CEP152: variants seen among roughly 807,000 people sequenced by gnomAD.
CEP152 encodes centrosomal protein of 152 kDa.
CEP152 carries 132 observed loss-of-function variants against 188.9 expected under a neutral mutation model. That is an observed-to-expected ratio of 0.70 (90% CI 0.61 to 0.81). The LOEUF is 0.81. Among genes scored for constraint, CEP152 ranks in the 30% least tolerant of loss-of-function variants. The pLI, the probability that CEP152 is intolerant of heterozygous loss-of-function variation, is 0.00. For synonymous variants in CEP152, 649 were observed against 666.6 expected, an observed-to-expected ratio of 0.97 and a Z score of 0.41; for missense variants, 1,914 against 1,969.8, an observed-to-expected ratio of 0.97 and a Z score of 0.54.
intron 1 of CEP152, among the ~76,000 whole-genome samples, chr15:48,806,266 G>A (rs1055841165): frequency 6.6e-6 from 1 of 151,550 alleles, no homozygotes; most frequent in Admixed American, 6.5e-5. Context: ...TGAAGGCTGT[G>A]AAGCTCCACC....
At chr15:48,787,163 G>GTTTTTTTT (rs747436177) in intron 9 of CEP152, among the ~76,000 whole-genome samples, 28,133 of 100,998 alleles carry the variant, frequency 0.28, 7,661 homozygotes, top group Non-Finnish European at 0.36. Context: ...TATAGCCTTC[G>GTTTTTTTT]TTTTTTTTTT....
At chr15:48,752,019 T>C (rs1893909987) in intron 21 of CEP152, among the ~76,000 whole-genome samples, 1 of 152,236 alleles carries the variant, frequency 6.6e-6, no homozygotes, top group Non-Finnish European at 1.5e-5. Context: ...GTTTCAGTAA[T>C]TTGAATGAAA....
At position 48,762,557 on chromosome 15, in the gene CEP152, G is replaced by GT; in HGVS notation, c.2395dup (p.Thr799AsnfsTer4). The GT allele has an allele frequency of 5.0e-6, 8 of 1,613,946 alleles. No homozygotes were observed. The highest frequency in any genetic ancestry group is 5.9e-6 in the Non-Finnish European group (7 of 1,179,974). ...TTTCTTGGAAATAACATCACTGGTG[G>GT]TTACTTGGTCAGTTTGGCTGCCACA... On this transcript the variant is annotated frameshift_variant, in exon 18 of 27. Transcript: ENST00000380950. LOFTEE classifies it high-confidence loss of function.
At chr15:48,778,075 T>G (rs1896031135) in intron 12 of CEP152, among the ~76,000 whole-genome samples, 1 of 152,238 alleles carries the variant, frequency 6.6e-6, no homozygotes, top group Non-Finnish European at 1.5e-5. Context: ...ATGTTTATTA[T>G]TTGAGCTTAG....
Position 48,748,470 on chromosome 15 carries a change from G to C in CEP152, c.3607C>G (p.His1203Asp), listed in dbSNP as rs1893627880. The C allele has an allele frequency of 3.9e-6, 6 of 1,533,542 alleles. No individual in the cohort carries two copies. Among genetic ancestry groups the C allele is most frequent in the Admixed American group, 2.0e-5 (1 of 50,678 alleles). The allele number at this position is 1,533,542 out of a possible 1,614,324, so 95.0% of individuals were successfully genotyped here. A position where few individuals can be genotyped will look rare whatever the true frequency, so the allele number is the denominator to read the frequency against. Residue 1203 changes from histidine (H) to aspartate (D), a missense_variant, in exon 22 of 27, where the codon CAC (histidine) becomes GAC (aspartate). By Grantham distance (81) the His-to-Asp change is moderately conservative (BLOSUM62 -1). Transcript: ENST00000380950. Reference protein sequence around the residue: ...CRHLQHLERKHKAVVEKIGEE... With the variant: ...CRHLQHLERKDKAVVEKIGEE... ...CCAATTTTTTCCACTACAGCTTTGT[G>C]CTTCCTTTCTAAATGCTGAAGATGC...
downstream of CEP152, among the ~76,000 whole-genome samples, chr15:48,736,184 T>A (rs1464740473): frequency 6.6e-6 from 1 of 152,204 alleles, no homozygotes; most frequent in East Asian, 1.9e-4. Context: ...CCAGGCTAGA[T>A]GCCTTCACCT....
intron 19 of CEP152, among the ~76,000 whole-genome samples, chr15:48,757,434 C>G (rs1894356851): frequency 6.6e-6 from 1 of 152,196 alleles, no homozygotes; most frequent in South Asian, 2.1e-4. Flanking sequence ...CTCAATAAAT[C>G]TTATGTAGTT....
chr15:48,794,516 A>G (rs186516006), intron 6 of CEP152, among the ~76,000 whole-genome samples: 12 of 152,290 alleles, frequency 7.9e-5, no homozygotes, highest in East Asian at 1.9e-4. Flanking sequence ...CCCATCTCCA[A>G]ATTTTTTAAA....
intron 10 of CEP152, among the ~76,000 whole-genome samples, chr15:48,782,555 G>T (rs1211291489): frequency 1.3e-5 from 2 of 152,104 alleles, no homozygotes; most frequent in Non-Finnish European, 2.9e-5. Context: ...CCAACTCATG[G>T]TAAGTCAAAG....
Position 48,796,142 on chromosome 15 carries a change from A to G in CEP152, c.559T>C (p.Leu187=). 6.2e-7 allele frequency: 1 copy of G among 1,613,792 alleles called. No homozygotes were observed. The highest frequency in any genetic ancestry group is 8.5e-7 in the Non-Finnish European group (1 of 1,179,788). Residue 187 remains leucine, a synonymous_variant, in exon 6 of 27, where the codon TTG becomes CTG. Transcript: ENST00000380950. ...NHFQGPSCQG[L]EPYNKVTYKP... ...TATGTCACTTTATTATACGGTTCCA[A>G]ACCTTGACAACTGGGACCCTGTGAT...
At chr15:48,781,464 A>G (rs1479517381) in intron 11 of CEP152, 105 bp from the exon 12 acceptor site, 3 of 835,936 alleles carry the variant, frequency 3.6e-6, no homozygotes, top group Non-Finnish European at 5.7e-6. Context: ...AGGCAAAAAA[A>G]CTTCTTCAAA....
chr15:48,798,159 T>C, intron 2 of CEP152, 108 bp from the exon 3 acceptor site: 2 of 779,798 alleles, frequency 2.6e-6, no homozygotes, highest in Non-Finnish European at 4.5e-6. Context: ...AAGAAGTTCA[T>C]AATTCCCTCC....
At chr15:48,788,675 TCA>T in intron 9 of CEP152, 124 bp downstream of exon 9, 2 of 970,756 alleles carry the variant, frequency 2.1e-6, no homozygotes, top group African/African-American at 1.6e-5. Context: ...TTCACTCACC[TCA>T]CACACAATCT....
rs371869190 is a variant in CEP152 at position 48,797,979 on chromosome 15, A to C, written c.160T>G (p.Ser54Ala). The change falls in exon 3 of 27, where the codon TCG becomes GCG. Residue 54 changes from serine to alanine, a missense_variant. Physicochemically the swap from Ser to Ala is moderately conservative, Grantham distance 99. Transcript: ENST00000380950. ...TCTGTGCCATCCTCGCTGCAGTCCG[A>C]ATACTGGAGCTCTGGAGAGGAGAGG... ...DDLSSPELQY[S>A]DCSEDGTDGQ... The C allele has an allele frequency of 1.9e-6, 3 of 1,614,048 alleles. No homozygotes were observed. The highest frequency in any genetic ancestry group is 2.5e-6 in the Non-Finnish European group (3 of 1,179,970).
At position 48,738,286 on chromosome 15, in the gene CEP152, T is replaced by A; in HGVS notation, c.5096A>T (p.Asp1699Val). 3 of 1,613,992 alleles carry A rather than the reference T, an allele frequency of 1.9e-6. No homozygotes were observed. The highest frequency in any genetic ancestry group is 2.5e-6 in the Non-Finnish European group (3 of 1,179,858). Reference sequence around the variant, plus strand: ...AACAAATGGGCTATCAAAGCCACTATCTTGTTGGCTAGATAGCGGAACAAT... The same window carrying A: ...AACAAATGGGCTATCAAAGCCACTAACTTGTTGGCTAGATAGCGGAACAAT... ...KLIVPLSSQQ[D>V]SGFDSPFVNL... The change falls in exon 27 of 27, where the codon GAT becomes GTT. Residue 1699 changes from aspartate (D) to valine (V), a missense_variant. Transcript: ENST00000380950.
At chr15:48,743,834 G>C (rs1194484324) in intron 24 of CEP152, among the ~76,000 whole-genome samples, 1 of 152,058 alleles carries the variant, frequency 6.6e-6, no homozygotes, top group Non-Finnish European at 1.5e-5. Flanking sequence ...CTGCATTCCA[G>C]CCTGGTTGAC....
chr15:48,796,287 TATAC>T lies in CEP152; in HGVS notation c.541-131_541-128del, dbSNP rs147688474. 38,518 of 680,392 alleles carry T rather than the reference TATAC, an allele frequency of 0.057. 713 individuals are homozygous for T. The highest frequency in any genetic ancestry group is 0.13 in the African/African-American group (6,108 of 48,278). 42.1% of individuals were successfully genotyped at this position (680,392 alleles called of 1,614,324 possible). ...GGTACAGTTCAAAGTTGTTTATATA[TATAC>T]ACACACACACACACACACACACACA... On this transcript the variant is annotated intron_variant, in intron 5 of 26. Transcript: ENST00000380950.
rs1373984251 is a variant in CEP152, at chr15:48,762,619, A to T, written c.2334T>A (p.Asp778Glu). Residue 778 changes from aspartate to glutamate, a missense_variant, in exon 18 of 27, where the codon GAT becomes GAA. Physicochemically the swap from Asp to Glu is conservative, Grantham distance 45 (BLOSUM62 2). Coordinates refer to ENST00000380950, the MANE Select transcript of CEP152 (RefSeq NM_001194998.2). ...QLEKEWQSKL[D>E]QTIKAMKKKT... is the part of the protein sequence containing the mutation. ...TCTTTTTCATTGCCTTTATAGTTTG[A>T]TCCAGCTTAGACTGCCACTCCTTTT... 6.2e-7 allele frequency: 1 copy of T among 1,613,946 alleles called. No homozygotes were observed.
chr15:48,742,987 A>T (rs147315367), intron 24 of CEP152, among the ~76,000 whole-genome samples: 1 of 152,196 alleles, frequency 6.6e-6, no homozygotes, highest in Non-Finnish European at 1.5e-5. Flanking sequence ...TTTGAAATGG[A>T]AAATGAAATG....
Sources: allele counts gnomAD v4.1 joint callset (sites outside exome capture counted in the v4.1 genomes callset), GRCh38; gene constraint gnomAD v4.1.1; transcripts MANE v1.5; gene names NCBI Gene and HGNC (gene_info 2026-07-23, HGNC 2026-07-21).